Variants in DPP10 observed in about 807,000 individuals in gnomAD.
DPP10 encodes inactive dipeptidyl peptidase 10.
A neutral mutation model predicts 120.9 loss-of-function variants in DPP10; 33 were observed. The observed-to-expected ratio is 0.27, with a 90% CI of 0.21 to 0.37. The LOEUF (loss-of-function observed/expected upper bound fraction) is 0.37. Among genes scored for constraint, DPP10 ranks in the 10% least tolerant of loss-of-function variants. The pLI, the probability that DPP10 is intolerant of heterozygous loss-of-function variation, is 1.00. For missense variants in DPP10, 816 were observed against 942.8 expected (o/e 0.87, Z 1.76); for synonymous variants, 337 against 326.1 (o/e 1.03, Z -0.36).
At chr2:114,614,677 G>A (rs950390139) in intron 1 of DPP10, among the ~76,000 whole-genome samples, 2 of 152,064 alleles carry the variant, frequency 1.3e-5, no homozygotes, top group African/African-American at 4.8e-5. Context: ...ACGCAATTTC[G>A]GGATACTCCG....
intron 1 of DPP10, among the ~76,000 whole-genome samples, chr2:114,910,321 A>C (rs566489234): frequency 9.9e-5 from 15 of 152,042 alleles, no homozygotes; most frequent in African/African-American, 3.1e-4. Flanking sequence ...CAGGAGCCCT[A>C]GGCATTGTAC....
chr2:115,329,977 G>A (rs924252074), intron 2 of DPP10, among the ~76,000 whole-genome samples: 1 of 152,074 alleles, frequency 6.6e-6, no homozygotes, highest in Non-Finnish European at 1.5e-5. Context: ...TGGGTCAAAT[G>A]GTATTTCTAG....
rs570520117 is a variant in DPP10 at position 114,926,450 on chromosome 2, G to A, written c.61-382789G>A. The stretch of plus-strand genomic sequence containing the variant: ...TCACATCGCTGGAATGACTCCTGAT[G>A]TTTGTCAGAAGCTGGATCAGATCAC... On this transcript the variant is annotated intron_variant, in intron 1 of 25. Transcript: ENST00000410059. 2.0e-5 allele frequency among the ~76,000 whole-genome samples: 3 copies of A among 152,344 alleles called. No individual in the cohort carries two copies. In the South Asian group the frequency reaches 6.2e-4, roughly 32 times the overall value.
chr2:114,948,359 T>A (rs576003644), intron 1 of DPP10, among the ~76,000 whole-genome samples: 1 of 152,266 alleles, frequency 6.6e-6, no homozygotes, highest in African/African-American at 2.4e-5. Flanking sequence ...ATAATTATTA[T>A]TCCTCTTTAA....
chr2:114,930,255 G>T (rs13420315), intron 1 of DPP10, among the ~76,000 whole-genome samples: 3 of 151,976 alleles, frequency 2.0e-5, no homozygotes, highest in Non-Finnish European at 4.4e-5. Flanking sequence ...CTTCTCTACC[G>T]CATAGCCAGG....
chr2:114,771,297 G>A (rs1681226694), intron 1 of DPP10, among the ~76,000 whole-genome samples: 1 of 152,134 alleles, frequency 6.6e-6, no homozygotes, highest in Non-Finnish European at 1.5e-5. Flanking sequence ...TATTCACTGT[G>A]GCCGTATCAT....
intron 1 of DPP10, among the ~76,000 whole-genome samples, chr2:114,775,801 T>A (rs1681674784): frequency 1.3e-5 from 2 of 152,212 alleles, no homozygotes; most frequent in Admixed American, 1.3e-4. Context: ...ACACAATGCA[T>A]AAATATATCT....
At chr2:114,649,221 A>G (rs957201142) in intron 1 of DPP10, among the ~76,000 whole-genome samples, 1 of 152,190 alleles carries the variant, frequency 6.6e-6, no homozygotes. Flanking sequence ...AATTTTTTCT[A>G]TTAACCAGAA....
At chr2:115,799,833 G>A (rs551571044) in intron 19 of DPP10, among the ~76,000 whole-genome samples, 2,742 of 151,646 alleles carry the variant, frequency 0.018, 81 homozygotes, top group African/African-American at 0.061. Flanking sequence ...CCAGTCTATC[G>A]TTGTTGGACA....
intron 1 of DPP10, among the ~76,000 whole-genome samples, chr2:115,291,476 T>C (rs2060651670): frequency 6.6e-6 from 1 of 152,188 alleles, no homozygotes; most frequent in Non-Finnish European, 1.5e-5. Flanking sequence ...GGTAAATTAA[T>C]GGTGTGTTTT....
At chr2:114,520,380 A>G (rs1195898551) in intron 1 of DPP10, among the ~76,000 whole-genome samples, 2 of 152,254 alleles carry the variant, frequency 1.3e-5, no homozygotes, top group African/African-American at 2.4e-5. Flanking sequence ...ATGCATTCCT[A>G]GAGACTGCTT....
intron 1 of DPP10, among the ~76,000 whole-genome samples, chr2:114,499,699 T>C (rs918393275): frequency 6.6e-6 from 1 of 152,000 alleles, no homozygotes; most frequent in South Asian, 2.1e-4. Flanking sequence ...TTCAGGAAGG[T>C]AGGTAGAAAC....
intron 3 of DPP10, among the ~76,000 whole-genome samples, chr2:115,484,565 T>G (rs2105297080): frequency 6.6e-6 from 1 of 152,160 alleles, no homozygotes; most frequent in East Asian, 1.9e-4. Flanking sequence ...ATAGTTTTGG[T>G]TTTTTTATGT....
chr2:115,832,601 C>T (rs1689044652), intron 21 of DPP10, among the ~76,000 whole-genome samples: 1 of 152,136 alleles, frequency 6.6e-6, no homozygotes, highest in South Asian at 2.1e-4. Flanking sequence ...TATTCAACAG[C>T]TTTTATTATC....
chr2:114,505,888 G>T (rs1377239377), intron 1 of DPP10, among the ~76,000 whole-genome samples: 1 of 152,178 alleles, frequency 6.6e-6, no homozygotes, highest in African/African-American at 2.4e-5. Flanking sequence ...ATGCATGTTA[G>T]TTTTTTCTGA....
At chr2:115,655,809 G>T (rs926943088) in intron 5 of DPP10, among the ~76,000 whole-genome samples, 2 of 150,458 alleles carry the variant, frequency 1.3e-5, no homozygotes, top group African/African-American at 2.5e-5. Context: ...ATTGAATAAA[G>T]AATTAGCTCT....
intron 1 of DPP10, among the ~76,000 whole-genome samples, chr2:114,548,265 A>T (rs961827942): frequency 3.3e-5 from 5 of 152,214 alleles, no homozygotes; most frequent in African/African-American, 1.2e-4. Context: ...GAGTAAAGAA[A>T]GTTCTGCGGC....
intron 1 of DPP10, among the ~76,000 whole-genome samples, chr2:115,108,143 G>T (rs981397824): frequency 1.3e-5 from 2 of 152,114 alleles, no homozygotes; most frequent in Non-Finnish European, 2.9e-5. Flanking sequence ...CCCTAGAAAA[G>T]AATCTACCTA....
At chr2:114,533,651 G>A (rs1422509955) in intron 1 of DPP10, among the ~76,000 whole-genome samples, 1 of 151,934 alleles carries the variant, frequency 6.6e-6, no homozygotes, top group African/African-American at 2.4e-5. Context: ...AATGATAAGA[G>A]GGAAGTGAAT....
Sources: allele counts gnomAD v4.1 joint callset (sites outside exome capture counted in the v4.1 genomes callset), GRCh38; gene constraint gnomAD v4.1.1; transcripts MANE v1.5; gene names NCBI Gene and HGNC (gene_info 2026-07-23, HGNC 2026-07-21).